The following TRAK1 variants were observed in gnomAD, a reference collection of about 807,000 sequenced individuals.
The protein encoded by TRAK1 is trafficking kinesin-binding protein 1.
A neutral mutation model predicts 92.1 loss-of-function variants in TRAK1; 33 were observed. The ratio of observed to expected loss-of-function variants is 0.36; its 90% CI spans 0.27 to 0.48. The LOEUF is 0.48. TRAK1 is among the 20% of genes least tolerant of loss of function. The pLI is 0.99. For synonymous variants in TRAK1, 521 were observed against 517.3 expected, an observed-to-expected ratio of 1.01 and a Z score of -0.10; for missense variants, 1,123 against 1,257.9, an observed-to-expected ratio of 0.89 and a Z score of 1.62.
intron 3 of TRAK1, among the ~76,000 whole-genome samples, chr3:42,180,165 A>G (rs181872441): frequency 1.0e-3 from 155 of 152,316 alleles, no homozygotes; most frequent in African/African-American, 3.2e-3. Flanking sequence ...ATTAAAGAGA[A>G]AAAACTAGAG....
intron 2 of TRAK1, among the ~76,000 whole-genome samples, chr3:42,176,449 A>G (rs1292878754): frequency 1.3e-5 from 2 of 152,178 alleles, no homozygotes; most frequent in Admixed American, 1.3e-4. Flanking sequence ...CTTTCTGATC[A>G]TTCACACATG....
At chr3:42,111,249 C>T (rs1025550426) in intron 1 of TRAK1, among the ~76,000 whole-genome samples, 2 of 152,198 alleles carry the variant, frequency 1.3e-5, no homozygotes, top group Admixed American at 6.5e-5. Flanking sequence ...TGTCCTTATT[C>T]ATTCCTGGAC....
At chr3:42,083,106 G>A (rs896150207), upstream of TRAK1, among the ~76,000 whole-genome samples, 3 of 152,180 alleles carry the variant, frequency 2.0e-5, no homozygotes, top group South Asian at 2.1e-4. Context: ...TATACTCCTC[G>A]CCTTATTCCA....
chr3:42,196,746 C>T (rs1238916334), intron 10 of TRAK1, among the ~76,000 whole-genome samples: 3 of 151,050 alleles, frequency 2.0e-5, no homozygotes, highest in South Asian at 2.1e-4. Flanking sequence ...TGGGGTTTCA[C>T]CATGTTGGCC....
At chr3:42,067,462 C>A (rs1255700841) in intron 1 of TRAK1, among the ~76,000 whole-genome samples, 1 of 152,048 alleles carries the variant, frequency 6.6e-6, no homozygotes, top group African/African-American at 2.4e-5. Flanking sequence ...AATCTGTTTT[C>A]AAAAACACAA....
rs746256922 is a variant in TRAK1 at position 42,163,772 on chromosome 3, T to C, written c.287-13042T>C. On this transcript the variant is annotated intron_variant, in intron 2 of 15. Coordinates refer to ENST00000327628, the MANE Select transcript of TRAK1 (RefSeq NM_001042646.3). ...ATTCAAGGGAAGAGATTTTGCCTTG[T>C]ATTTGTCATCTTATGATAGATAATT... 3.3e-5 allele frequency among the ~76,000 whole-genome samples: 5 copies of C among 152,178 alleles called. 1 individual carries two copies. The highest frequency in any genetic ancestry group is 5.9e-5 in the Non-Finnish European group (4 of 68,036).
chr3:42,125,625 G>T lies in TRAK1; in HGVS notation c.286+11G>T. On this transcript the variant is annotated intron_variant, in intron 2 of 15. Transcript: ENST00000327628. ...CGTTAAAATACTTCCGTAAGTAGTT[G>T]TCCATGTGTGTTGTGATGGCAGTAT... The T allele has an allele frequency of 6.2e-7, 1 of 1,613,712 alleles. No individual in the cohort carries two copies. The highest frequency in any genetic ancestry group is 1.7e-5 in the Admixed American group (1 of 60,002).
intron 13 of TRAK1, among the ~76,000 whole-genome samples, chr3:42,205,235 T>C (rs1295818054): frequency 1.3e-5 from 2 of 152,172 alleles, no homozygotes; most frequent in Admixed American, 1.3e-4. Context: ...AGTATTGAGA[T>C]CTGGACCAGC....
intron 12 of TRAK1, among the ~76,000 whole-genome samples, chr3:42,201,304 C>G (rs1408567206): frequency 1.3e-5 from 2 of 152,038 alleles, no homozygotes; most frequent in African/African-American, 4.8e-5. Flanking sequence ...ACTAAACATA[C>G]AAAAAATTAG....
chr3:42,211,552 G>T (rs529201469), intron 14 of TRAK1: 2 of 985,298 alleles, frequency 2.0e-6, no homozygotes, highest in Non-Finnish European at 2.4e-6. Context: ...GCTGATTTTC[G>T]TGGCTAAAGG....
At chr3:42,046,836 C>G (rs1243193249) in intron 1 of TRAK1, among the ~76,000 whole-genome samples, 1 of 152,150 alleles carries the variant, frequency 6.6e-6, no homozygotes, top group Non-Finnish European at 1.5e-5. Context: ...GTAGTTTTCT[C>G]TTCCTTTTCA....
chr3:42,054,892 A>G (rs927031696), intron 1 of TRAK1, among the ~76,000 whole-genome samples: 5 of 131,490 alleles, frequency 3.8e-5, no homozygotes, highest in African/African-American at 1.4e-4. Context: ...TAAATGATCT[A>G]CAGCAAACTA....
At chr3:42,017,900 G>GGCA (rs1384197461) in intron 1 of TRAK1, among the ~76,000 whole-genome samples, 1 of 152,050 alleles carries the variant, frequency 6.6e-6, no homozygotes, top group Non-Finnish European at 1.5e-5. Flanking sequence ...CTAACTCATA[G>GGCA]GCAGTGTGCC....
chr3:42,192,692 A>G (rs979226924), intron 7 of TRAK1, among the ~76,000 whole-genome samples: 5 of 152,154 alleles, frequency 3.3e-5, no homozygotes, highest in Admixed American at 3.3e-4. Context: ...GTTTAGTCAC[A>G]TGGGTTCTCT....
chr3:42,176,568 A>C (rs1285798997), intron 2 of TRAK1, among the ~76,000 whole-genome samples: 1 of 152,118 alleles, frequency 6.6e-6, no homozygotes, highest in Non-Finnish European at 1.5e-5. Context: ...GCTCATACAC[A>C]CAGACACACA....
At chr3:42,107,901 A>C (rs551986293) in intron 1 of TRAK1, among the ~76,000 whole-genome samples, 1 of 151,464 alleles carries the variant, frequency 6.6e-6, no homozygotes, top group South Asian at 2.1e-4. Flanking sequence ...CCTGTCCTTC[A>C]GTTCTACCAT....
chr3:42,169,298 C>T (rs1407552471), intron 2 of TRAK1, among the ~76,000 whole-genome samples: 1 of 151,760 alleles, frequency 6.6e-6, no homozygotes, highest in African/African-American at 2.4e-5. Flanking sequence ...GAACTTCATT[C>T]CTTTTTATGA....
In TRAK1 at chr3:42,225,470, A is replaced by G. The variant is rs1424236495; in HGVS notation, c.*1733A>G. 1 of 152,218 alleles carries G rather than the reference A, an allele frequency of 6.6e-6. No homozygotes were observed. Among genetic ancestry groups the G allele is most frequent in the African/African-American group, 2.4e-5 (1 of 41,458 alleles). The allele number at this position is 152,218 out of a possible 1,614,324, so 9.4% of individuals were successfully genotyped here. Reference sequence around the variant, plus strand: ...TCCCTGCTGTTGTATGTGTGCATTCACTGCAAGTAACTTATATCTTTTTAT... The same window carrying G: ...TCCCTGCTGTTGTATGTGTGCATTCGCTGCAAGTAACTTATATCTTTTTAT... On this transcript the variant is annotated 3_prime_UTR_variant, in exon 16 of 16. Coordinates refer to ENST00000327628, the MANE Select transcript of TRAK1 (RefSeq NM_001042646.3).
chr3:42,055,265 C>A (rs1703153906), intron 1 of TRAK1, among the ~76,000 whole-genome samples: 1 of 152,042 alleles, frequency 6.6e-6, no homozygotes, highest in Admixed American at 6.6e-5. Flanking sequence ...CCCAAGGATA[C>A]AAAATAGTTC....
Sources: allele counts gnomAD v4.1 joint callset (sites outside exome capture counted in the v4.1 genomes callset), GRCh38; gene constraint gnomAD v4.1.1; transcripts MANE v1.5; gene names NCBI Gene and HGNC (gene_info 2026-07-23, HGNC 2026-07-21).